NAPEPLD: variants seen among roughly 807,000 people sequenced by gnomAD.
The protein encoded by NAPEPLD is N-acyl-phosphatidylethanolamine-hydrolyzing phospholipase D.
A neutral mutation model predicts 38.1 loss-of-function variants in NAPEPLD; 23 were observed. The ratio of observed to expected loss-of-function variants is 0.60; its 90% confidence interval spans 0.43 to 0.86. NAPEPLD has a LOEUF of 0.86. NAPEPLD is among the 40% of genes least tolerant of loss of function. NAPEPLD has a pLI of 0.00. For synonymous variants in NAPEPLD, 147 were observed against 162.0 expected (o/e 0.91, Z 0.71); for missense variants, 411 against 476.8 (o/e 0.86, Z 1.28).
At chr7:103,117,631 C>T (rs967868464) in intron 3 of NAPEPLD, among the ~76,000 whole-genome samples, 3 of 152,050 alleles carry the variant, frequency 2.0e-5, no homozygotes, top group Non-Finnish European at 2.9e-5. Flanking sequence ...TTTCTAAAGC[C>T]GTTAACAGTA....
chr7:103,143,175 C>T (rs1811829615), intron 1 of NAPEPLD, among the ~76,000 whole-genome samples: 2 of 152,006 alleles, frequency 1.3e-5, no homozygotes, highest in East Asian at 1.9e-4. Context: ...TGTAGTGAGC[C>T]GTGATCATGC....
intron 4 of NAPEPLD, among the ~76,000 whole-genome samples, chr7:103,112,722 T>A (rs1804782942): frequency 6.6e-6 from 1 of 151,968 alleles, no homozygotes; most frequent in Non-Finnish European, 1.5e-5. Context: ...CTGTATGTTC[T>A]GCACATGTAT....
intron 4 of NAPEPLD, among the ~76,000 whole-genome samples, chr7:103,114,175 G>A (rs1208230393): frequency 6.6e-6 from 1 of 152,194 alleles, no homozygotes; most frequent in Non-Finnish European, 1.5e-5. Flanking sequence ...GGGATTACAG[G>A]TGTGAGCCAC....
Position 103,102,398 on chromosome 7 carries a change from C to G in NAPEPLD, c.*1031G>C, listed in dbSNP as rs1301145013. 2 of 152,316 alleles carry G rather than the reference C, an allele frequency of 1.3e-5. No individual in the cohort carries two copies. The highest frequency in any genetic ancestry group is 1.3e-4 in the Admixed American group (2 of 15,268). The allele number at this position is 152,316 out of a possible 1,614,324, so 9.4% of individuals were successfully genotyped here. ...TCGCCCAGGCTGGAGTGCAGTGGTA[C>G]GATCACAGCTCACTGCAGCCTCTAT... On this transcript the variant is annotated 3_prime_UTR_variant, in exon 5 of 5. Transcript: ENST00000465647.
intron 2 of NAPEPLD, chr7:103,126,782 A>ATTTTTTTTT (rs61285914): frequency 4.3e-4 from 34 of 78,756 alleles, no homozygotes; most frequent in African/African-American, 1.6e-3. Flanking sequence ...AATTTTTTGT[A>ATTTTTTTTT]TTTTTTTTTT....
chr7:103,113,585 T>TC (rs555024810), intron 4 of NAPEPLD, among the ~76,000 whole-genome samples: 307 of 124,748 alleles, frequency 2.5e-3, no homozygotes, highest in African/African-American at 7.7e-3. Flanking sequence ...TTTTTTTTTT[T>TC]AAAGACAGAG....
chr7:103,108,893 A>C (rs1803941428), intron 4 of NAPEPLD, among the ~76,000 whole-genome samples: 1 of 152,224 alleles, frequency 6.6e-6, no homozygotes, highest in Non-Finnish European at 1.5e-5. Flanking sequence ...GGGATGGAGG[A>C]ATACTTACCA....
At chr7:103,141,221 C>T (rs1337745253) in intron 1 of NAPEPLD, 4 of 476,150 alleles carry the variant, frequency 8.4e-6, no homozygotes, top group Admixed American at 7.9e-5. Flanking sequence ...AAATGTACAT[C>T]AGAATTACCT....
At chr7:103,131,609 G>A (rs549645536) in intron 1 of NAPEPLD, among the ~76,000 whole-genome samples, 2 of 151,622 alleles carry the variant, frequency 1.3e-5, no homozygotes, top group African/African-American at 4.8e-5. Flanking sequence ...GCAGTGAGCC[G>A]AGATCGCGCT....
intron 1 of NAPEPLD, among the ~76,000 whole-genome samples, chr7:103,144,999 A>G (rs952489128): frequency 1.3e-5 from 2 of 151,702 alleles, no homozygotes; most frequent in African/African-American, 4.8e-5. Flanking sequence ...CAACACAGCA[A>G]GACTCTTGTC....
chr7:103,115,637 G>A (rs1447603765), intron 3 of NAPEPLD, among the ~76,000 whole-genome samples: 2 of 152,148 alleles, frequency 1.3e-5, no homozygotes, highest in Admixed American at 1.3e-4. Context: ...GCCCAGGAGG[G>A]TTTTTGGCCT....
chr7:103,148,214 C>T, intron 1 of NAPEPLD: 1 of 597,312 alleles, frequency 1.7e-6, no homozygotes, highest in Non-Finnish European at 2.1e-6. Flanking sequence ...ACAAATTAAT[C>T]AGAATTATCA....
intron 4 of NAPEPLD, among the ~76,000 whole-genome samples, chr7:103,111,411 T>G (rs913356895): frequency 6.6e-6 from 1 of 152,056 alleles, no homozygotes; most frequent in African/African-American, 2.4e-5. Flanking sequence ...CCAAAACAGA[T>G]ATATAGACCA....
intron 2 of NAPEPLD, among the ~76,000 whole-genome samples, chr7:103,125,465 C>T (rs769458470): frequency 6.6e-6 from 1 of 152,146 alleles, no homozygotes; most frequent in Non-Finnish European, 1.5e-5. Flanking sequence ...ATGATCTGTA[C>T]TTGTAGTTCT....
At chr7:103,136,237 A>C (rs1274225974) in intron 1 of NAPEPLD, among the ~76,000 whole-genome samples, 1 of 151,772 alleles carries the variant, frequency 6.6e-6, no homozygotes, top group African/African-American at 2.4e-5. Flanking sequence ...ACCGCACTCC[A>C]GCCTGGGTGA....
At chr7:103,119,457 T>G (rs1246025284) in intron 3 of NAPEPLD, 120 bp downstream of exon 3, 5 of 1,034,720 alleles carry the variant, frequency 4.8e-6, no homozygotes, top group Non-Finnish European at 5.4e-6. Flanking sequence ...CCCAATCATG[T>G]ATAACAAAGT....
At chr7:103,115,900 T>C (rs140556823) in intron 3 of NAPEPLD, among the ~76,000 whole-genome samples, 123 of 152,282 alleles carry the variant, frequency 8.1e-4, no homozygotes, top group Non-Finnish European at 1.5e-3. Context: ...TGGTAACTTC[T>C]TGGTCATTGC....
chr7:103,110,765 A>G (rs1442257779), intron 4 of NAPEPLD, among the ~76,000 whole-genome samples: 1 of 152,182 alleles, frequency 6.6e-6, no homozygotes, highest in African/African-American at 2.4e-5. Context: ...AGGGTATTCA[A>G]TTAGGAAAAG....
intron 4 of NAPEPLD, among the ~76,000 whole-genome samples, chr7:103,113,276 C>G (rs1481459564): frequency 6.6e-6 from 1 of 152,202 alleles, no homozygotes. Context: ...CTCATTTATC[C>G]TCCCCACAAC....
Sources: allele counts gnomAD v4.1 joint callset (sites outside exome capture counted in the v4.1 genomes callset), GRCh38; gene constraint gnomAD v4.1.1; transcripts MANE v1.5; gene names NCBI Gene and HGNC (gene_info 2026-07-23, HGNC 2026-07-21).